PLXNA2: variants seen among roughly 807,000 people sequenced by gnomAD.
PLXNA2 encodes plexin A2, also known as plexin-A2.
A neutral mutation model predicts 193.5 loss-of-function variants in PLXNA2; 91 were observed. That is an observed-to-expected ratio of 0.47 (90% CI 0.40 to 0.56). The LOEUF (loss-of-function observed/expected upper bound fraction) is 0.56. Ranked by LOEUF, PLXNA2 falls within the 20% of genes least tolerant of loss-of-function variation. The pLI is 0.00. For synonymous variants in PLXNA2, 997 were observed against 1,027.3 expected (o/e 0.97, Z 0.56); for missense variants, 1,995 against 2,503.2 (o/e 0.80, Z 4.33).
At chr1:208,104,075 A>G (rs893332937) in intron 4 of PLXNA2, among the ~76,000 whole-genome samples, 1 of 152,228 alleles carries the variant, frequency 6.6e-6, no homozygotes, top group African/African-American at 2.4e-5. Flanking sequence ...TGTCCTAGGT[A>G]TCTGTTGCTG....
chr1:208,178,204 G>T (rs183150340), intron 3 of PLXNA2, among the ~76,000 whole-genome samples: 3 of 152,276 alleles, frequency 2.0e-5, no homozygotes, highest in Non-Finnish European at 2.9e-5. Flanking sequence ...GAGCTCTTTG[G>T]AGTAGAGGGG....
At chr1:208,039,903 G>C (rs936991246) in intron 23 of PLXNA2, 89 bp downstream of exon 23, 17 of 1,578,052 alleles carry the variant, frequency 1.1e-5, no homozygotes, top group Non-Finnish European at 1.5e-5. Context: ...TCCCGAGGGA[G>C]GGGGTCCCCA....
At chr1:208,132,869 T>C (rs1668200225) in intron 4 of PLXNA2, among the ~76,000 whole-genome samples, 1 of 152,132 alleles carries the variant, frequency 6.6e-6, no homozygotes, top group Non-Finnish European at 1.5e-5. Flanking sequence ...ATTTTACAGG[T>C]GAGGTAACTG....
intron 14 of PLXNA2, 40 bp downstream of exon 14, chr1:208,054,381 T>G (rs763370628): frequency 1.4e-6 from 2 of 1,393,692 alleles, no homozygotes; most frequent in East Asian, 4.6e-5. Context: ...GTGTGTCTCC[T>G]CCCTGGGCAC....
At chr1:208,113,485 T>G (rs1222963062) in intron 4 of PLXNA2, among the ~76,000 whole-genome samples, 3 of 151,404 alleles carry the variant, frequency 2.0e-5, no homozygotes, top group Non-Finnish European at 4.4e-5. Flanking sequence ...TGCCTTCCAG[T>G]CTCCAAGAGA....
intron 4 of PLXNA2, among the ~76,000 whole-genome samples, chr1:208,137,915 C>A (rs143452158): frequency 1.3e-5 from 2 of 152,186 alleles, no homozygotes; most frequent in East Asian, 3.9e-4. Context: ...TCCACTCTCA[C>A]GGCCCCAAGA....
intron 3 of PLXNA2, among the ~76,000 whole-genome samples, chr1:208,168,463 T>C (rs112656854): frequency 2.8e-4 from 43 of 152,212 alleles, no homozygotes; most frequent in African/African-American, 8.0e-4. Flanking sequence ...AGGAAATATT[T>C]ACTGAATAAA....
chr1:208,214,118 T>G (rs1489346917), intron 2 of PLXNA2, among the ~76,000 whole-genome samples: 1 of 150,444 alleles, frequency 6.6e-6, no homozygotes, highest in Non-Finnish European at 1.5e-5. Flanking sequence ...GCCATAAAAT[T>G]TTGGCGTTAA....
intron 3 of PLXNA2, among the ~76,000 whole-genome samples, chr1:208,208,738 G>T (rs1310446154): frequency 6.6e-6 from 1 of 152,152 alleles, no homozygotes; most frequent in Non-Finnish European, 1.5e-5. Flanking sequence ...GGTCCCTATG[G>T]GTAGATGACT....
rs562842126 is a variant in PLXNA2, at chr1:208,029,405, C to T, written c.5226-363G>A. ...CAGGGCTTCACACAAAGCCACCAGG[C>T]TCCTGGAGTCCCTTCACAGTGCCCG... On this transcript the variant is annotated intron_variant, in intron 29 of 31. Transcript: ENST00000367033. 1.3e-4 allele frequency: 137 copies of T among 1,066,432 alleles called. 2 individuals are homozygous for T. In the South Asian group the frequency reaches 3.1e-3, roughly 24 times the overall value. 66.1% of individuals were successfully genotyped at this position (1,066,432 alleles called of 1,614,324 possible). A position where few individuals can be genotyped will look rare whatever the true frequency, so the allele number is the denominator to read the frequency against.
chr1:208,168,507 A>G lies in PLXNA2; in HGVS notation c.1372-26044T>C, dbSNP rs532529010. ...ATTCCATCTCTTATTCAATTTGTAT[A>G]ATAATGCCATGAGGGGGAGTCTATT... On this transcript the variant is annotated intron_variant, in intron 3 of 31. Transcript: ENST00000367033. Among the ~76,000 whole-genome samples, 5 of 152,228 alleles carry G rather than the reference A, an allele frequency of 3.3e-5. No homozygotes were observed. In the East Asian group the frequency reaches 7.7e-4, roughly 24 times the overall value.
Position 208,217,551 on chromosome 1 carries a change from G to T in PLXNA2, c.372C>A (p.Asn124Lys), listed in dbSNP as rs1237872764. Residue 124 changes from asparagine to lysine, a missense_variant, in exon 2 of 32, where the codon AAC becomes AAA. This residue lies in a region of PLXNA2 where 702 missense variants were observed against 812.9 expected (regional missense o/e 0.86). Coordinates refer to ENST00000367033, the MANE Select transcript of PLXNA2 (RefSeq NM_025179.4). This position sits in a 1 kb window ranked among gnomAD's most constrained non-coding sequence, Gnocchi z 4.7. ...AGAGGCTCCCACAGGCCAGCAGGCG[G>T]TTCTCAGAGTAGTCAATGATGAGCA... ...NKLLIIDYSE[N>K]RLLACGSLYQ... 4 of 1,614,220 alleles carry T rather than the reference G, an allele frequency of 2.5e-6. No homozygotes were observed. In the South Asian group the frequency reaches 4.4e-5, roughly 18 times the overall value.
At chr1:208,142,527 T>C (rs774467764) in intron 3 of PLXNA2, 64 bp from the exon 4 acceptor site, 11 of 1,470,146 alleles carry the variant, frequency 7.5e-6, no homozygotes, top group Non-Finnish European at 1.0e-5. Context: ...GCTACCTGCC[T>C]CTGCCCAGAG....
intron 3 of PLXNA2, among the ~76,000 whole-genome samples, chr1:208,148,996 C>G (rs1232099379): frequency 2.6e-5 from 4 of 152,228 alleles, no homozygotes; most frequent in African/African-American, 9.6e-5. Flanking sequence ...ACTTTTGACA[C>G]AGAGTTATTG....
chr1:208,135,949 G>T (rs1558210580), intron 4 of PLXNA2, among the ~76,000 whole-genome samples: 1 of 152,070 alleles, frequency 6.6e-6, no homozygotes, highest in African/African-American at 2.4e-5. Flanking sequence ...CTCATTATAG[G>T]GAGTACTCAC....
intron 6 of PLXNA2, among the ~76,000 whole-genome samples, chr1:208,097,139 C>G (rs1666926840): frequency 6.6e-6 from 1 of 152,054 alleles, no homozygotes; most frequent in African/African-American, 2.4e-5. Flanking sequence ...TTAGAAAGCC[C>G]TAGGGGTGGG....
intron 1 of PLXNA2, among the ~76,000 whole-genome samples, chr1:208,219,073 C>A (rs1029440255): frequency 6.6e-5 from 10 of 152,230 alleles, no homozygotes; most frequent in African/African-American, 9.6e-5. Flanking sequence ...CACCAGCGGG[C>A]CTCAGTGGGC....
chr1:208,036,676 G>C (rs1455068084), intron 26 of PLXNA2, among the ~76,000 whole-genome samples: 1 of 152,218 alleles, frequency 6.6e-6, no homozygotes, highest in Non-Finnish European at 1.5e-5. Context: ...ACTCCCTGCT[G>C]TCCCCTGTCA....
chr1:208,192,541 G>A (rs532803881), intron 3 of PLXNA2, among the ~76,000 whole-genome samples: 1 of 152,232 alleles, frequency 6.6e-6, no homozygotes, highest in Admixed American at 6.5e-5. Flanking sequence ...ATTGAAGAAG[G>A]GTGGAGTTGG....
Sources: gnomAD v4.1 joint callset for allele counts (sites outside exome capture counted in the v4.1 genomes callset) on GRCh38, gnomAD v4.1.1 for gene constraint, gnomAD v4.1.1 regional missense constraint, Gnocchi (gnomAD v3.1) non-coding constraint, MANE v1.5 for transcripts, NCBI Gene and HGNC (gene_info 2026-07-23, HGNC 2026-07-21) for gene names.